The following ELMOD1 variants were observed in gnomAD, a reference collection of about 807,000 sequenced individuals.
ELMOD1 encodes ELMO domain containing 1, also known as ELMO domain-containing protein 1.
In ELMOD1, 21 loss-of-function variants were observed where a neutral mutation model predicts 46.7. The observed-to-expected ratio is 0.45, with a 90% CI of 0.32 to 0.65. ELMOD1 has a LOEUF of 0.65. Ranked by LOEUF, ELMOD1 falls within the 30% of genes least tolerant of loss-of-function variation. The pLI is 0.04. For missense variants in ELMOD1, 348 were observed against 407.8 expected, an observed-to-expected ratio of 0.85 and a Z score of 1.26; for synonymous variants, 122 against 138.2, an observed-to-expected ratio of 0.88 and a Z score of 0.82.
intron 9 of ELMOD1, 192 bp from the exon 10 acceptor site, chr11:107,653,980 G>T: frequency 1.7e-6 from 1 of 587,268 alleles, no homozygotes; most frequent in African/African-American, 1.9e-5. Context: ...TGGATAGGAG[G>T]TAAATAGCAT....
intron 8 of ELMOD1, 83 bp from the exon 9 acceptor site, chr11:107,650,802 T>C (rs1866512976): frequency 1.3e-5 from 12 of 919,586 alleles, no homozygotes; most frequent in Non-Finnish European, 1.9e-5. Flanking sequence ...GCTTTTTTTT[T>C]CTTTCTTTCT....
chr11:107,645,411 C>T (rs1866411764), intron 6 of ELMOD1, among the ~76,000 whole-genome samples: 1 of 151,998 alleles, frequency 6.6e-6, no homozygotes, highest in South Asian at 2.1e-4. Flanking sequence ...GCAAGCTCCG[C>T]CTCCTGGGTT....
chr11:107,631,408 C>A (rs200696772), intron 4 of ELMOD1, among the ~76,000 whole-genome samples, 172 bp from the exon 5 acceptor site: 1 of 136,124 alleles, frequency 7.3e-6, no homozygotes, highest in African/African-American at 2.6e-5. Flanking sequence ...CCCCCCCCCC[C>A]ATCGTGAAAA....
intron 4 of ELMOD1, among the ~76,000 whole-genome samples, 178 bp from the exon 5 acceptor site, chr11:107,631,402 C>CA (rs1284811490): frequency 6.8e-6 from 1 of 146,394 alleles, no homozygotes; most frequent in Non-Finnish European, 1.5e-5. Context: ...GCACTACCCC[C>CA]CCCCCCATCG....
rs1866846367 is a variant in ELMOD1 at position 107,666,444 on chromosome 11, A to C, written c.*1247A>C. On this transcript the variant is annotated 3_prime_UTR_variant, in exon 12 of 12. Coordinates refer to ENST00000265840, the MANE Select transcript of ELMOD1 (RefSeq NM_018712.4). ...TTTGCAAGAAAATGTGTTTCAAGAG[A>C]GCAACCTAAGCTAAGTCACTCTGCG... 2 of 152,644 alleles carry C rather than the reference A, an allele frequency of 1.3e-5. No individual in the cohort carries two copies. Among genetic ancestry groups the C allele is most frequent in the African/African-American group, 4.8e-5 (2 of 41,456 alleles). The allele number at this position is 152,644 out of a possible 1,614,324, so 9.5% of individuals were successfully genotyped here. A position where few individuals can be genotyped will look rare whatever the true frequency, so the allele number is the denominator to read the frequency against.
At chr11:107,651,482 G>A (rs1350465924) in intron 9 of ELMOD1, among the ~76,000 whole-genome samples, 1 of 151,946 alleles carries the variant, frequency 6.6e-6, no homozygotes, top group African/African-American at 2.4e-5. Flanking sequence ...GTTGAGTTGG[G>A]CTTTTTTTCC....
chr11:107,620,880 G>A (rs1939903), intron 2 of ELMOD1, among the ~76,000 whole-genome samples: 81,183 of 152,006 alleles, frequency 0.53, 22,143 homozygotes, highest in East Asian at 0.8. Context: ...AAAAAAAGAA[G>A]AGAAAAGAAA....
chr11:107,650,939 CTTTTA>C, intron 9 of ELMOD1, 31 bp downstream of exon 9: 2 of 1,076,958 alleles, frequency 1.9e-6, no homozygotes, highest in Non-Finnish European at 2.5e-6. Flanking sequence ...TGTTTTATTG[CTTTTA>C]TTTTGTCTTA....
At chr11:107,644,521 C>G (rs1445105961) in intron 6 of ELMOD1, among the ~76,000 whole-genome samples, 1 of 152,052 alleles carries the variant, frequency 6.6e-6, no homozygotes, top group Non-Finnish European at 1.5e-5. Context: ...GTAGCCCAGG[C>G]TGGACTGCAG....
intron 1 of ELMOD1, among the ~76,000 whole-genome samples, chr11:107,602,685 G>A (rs978965657): frequency 1.4e-5 from 2 of 147,310 alleles, no homozygotes; most frequent in African/African-American, 5.0e-5. Context: ...TGTTTTAATA[G>A]TTTTCTTGTC....
At chr11:107,654,768 C>CAAAAA (rs945140722) in intron 10 of ELMOD1, among the ~76,000 whole-genome samples, 1 of 66,906 alleles carries the variant, frequency 1.5e-5, no homozygotes, top group African/African-American at 5.2e-5. Flanking sequence ...GACTCCGTCT[C>CAAAAA]AAAAAAAAAA....
chr11:107,615,104 C>G (rs1417400702), intron 1 of ELMOD1, among the ~76,000 whole-genome samples: 2 of 152,064 alleles, frequency 1.3e-5, no homozygotes, highest in African/African-American at 4.8e-5. Flanking sequence ...TAGTGCCTCA[C>G]TATGTCTAGA....
intron 7 of ELMOD1, among the ~76,000 whole-genome samples, chr11:107,648,723 C>G (rs1866475143): frequency 6.7e-6 from 1 of 149,082 alleles, no homozygotes; most frequent in Non-Finnish European, 1.5e-5. Context: ...TGCCAATTCT[C>G]AGAGTCAGGA....
chr11:107,622,974 A>T (rs1368715811), intron 2 of ELMOD1, among the ~76,000 whole-genome samples: 1 of 152,146 alleles, frequency 6.6e-6, no homozygotes, highest in African/African-American at 2.4e-5. Flanking sequence ...ATATATATAC[A>T]CATATATATT....
At chr11:107,653,389 A>G (rs1335738333) in intron 9 of ELMOD1, 3 of 152,198 alleles carry the variant, frequency 2.0e-5, no homozygotes, top group Non-Finnish European at 4.4e-5. Flanking sequence ...TCTATGATAG[A>G]AATCTTTTTT....
intron 11 of ELMOD1, among the ~76,000 whole-genome samples, chr11:107,656,709 C>T (rs540843077): frequency 6.6e-6 from 1 of 152,178 alleles, no homozygotes; most frequent in Admixed American, 6.5e-5. Context: ...CCCTTCTGGT[C>T]TGACTCAAAG....
chr11:107,649,813 C>T (rs1451986954), intron 7 of ELMOD1, among the ~76,000 whole-genome samples: 1 of 152,144 alleles, frequency 6.6e-6, no homozygotes, highest in Non-Finnish European at 1.5e-5. Context: ...TATTAGGAAA[C>T]TTAACTACTT....
intron 5 of ELMOD1, among the ~76,000 whole-genome samples, chr11:107,635,274 GT>G (rs1456150803): frequency 5.3e-5 from 8 of 152,040 alleles, no homozygotes; most frequent in Non-Finnish European, 5.9e-5. Flanking sequence ...TCCCTTGTGG[GT>G]TTTGGTTTTG....
chr11:107,610,889 G>A (rs967459678), intron 1 of ELMOD1, among the ~76,000 whole-genome samples: 1 of 149,802 alleles, frequency 6.7e-6, no homozygotes, highest in Non-Finnish European at 1.5e-5. Flanking sequence ...GGGATAGCAT[G>A]CTAGCCATAT....
Sources: gnomAD v4.1 joint callset for allele counts (sites outside exome capture counted in the v4.1 genomes callset) on GRCh38, gnomAD v4.1.1 for gene constraint, MANE v1.5 for transcripts, NCBI Gene and HGNC (gene_info 2026-07-23, HGNC 2026-07-21) for gene names.